The following PACRG variants were observed in gnomAD, a reference collection of about 807,000 sequenced individuals.
PACRG encodes the protein parkin coregulated.
PACRG carries 29 observed loss-of-function variants against 29.7 expected under a neutral mutation model. The ratio of observed to expected loss-of-function variants is 0.98; its 90% CI spans 0.73 to 1.33. The LOEUF (loss-of-function observed/expected upper bound fraction) is 1.33. Ranked by LOEUF, PACRG falls within the 40% of genes most tolerant of loss-of-function variation. The pLI is 0.00. For synonymous variants in PACRG, 116 were observed against 118.7 expected, an observed-to-expected ratio of 0.98 and a Z score of 0.15; for missense variants, 279 against 316.2, an observed-to-expected ratio of 0.88 and a Z score of 0.89.
At chr6:163,265,614 T>C (rs1275076045) in intron 4 of PACRG, among the ~76,000 whole-genome samples, 4 of 152,210 alleles carry the variant, frequency 2.6e-5, no homozygotes, top group African/African-American at 4.8e-5. Flanking sequence ...TATTATTTGT[T>C]ATTACTAACC....
intron 2 of PACRG, 72 bp from the exon 3 acceptor site, chr6:163,062,078 C>T: frequency 6.6e-7 from 1 of 1,520,122 alleles, no homozygotes. Context: ...TGGGTGACAG[C>T]TGCATAGCTT....
intron 4 of PACRG, among the ~76,000 whole-genome samples, chr6:163,218,237 C>T (rs1408877963): frequency 2.6e-5 from 4 of 152,168 alleles, no homozygotes; most frequent in African/African-American, 4.8e-5. Context: ...TTTCCCTCCT[C>T]GTATGATGGA....
At chr6:162,791,164 T>G (rs1784902230) in intron 1 of PACRG, among the ~76,000 whole-genome samples, 1 of 152,202 alleles carries the variant, frequency 6.6e-6, no homozygotes, top group Non-Finnish European at 1.5e-5. Flanking sequence ...GTGTGACATA[T>G]AGAGAGAGAA....
intron 3 of PACRG, among the ~76,000 whole-genome samples, chr6:163,069,540 A>G (rs1176248252): frequency 6.6e-6 from 1 of 152,168 alleles, no homozygotes; most frequent in Admixed American, 6.5e-5. Context: ...GTCTTTTAAT[A>G]GCAGAATTGA....
intron 2 of PACRG, among the ~76,000 whole-genome samples, chr6:163,025,124 A>G (rs1807005367): frequency 6.6e-6 from 1 of 152,218 alleles, no homozygotes; most frequent in Non-Finnish European, 1.5e-5. Context: ...CCCATAGCCC[A>G]CATCATACTG....
chr6:162,885,797 T>A (rs1467201194), intron 2 of PACRG, among the ~76,000 whole-genome samples: 1 of 152,128 alleles, frequency 6.6e-6, no homozygotes, highest in Non-Finnish European at 1.5e-5. Flanking sequence ...TGTATATATA[T>A]AAAATAATTA....
intron 2 of PACRG, among the ~76,000 whole-genome samples, chr6:162,895,110 CA>C (rs368087605): frequency 0.15 from 22,791 of 149,086 alleles, 1,845 homozygotes; most frequent in Non-Finnish European, 0.19. Context: ...CCCCCGCCCC[CA>C]AAAAAAAATT....
intron 2 of PACRG, among the ~76,000 whole-genome samples, chr6:162,960,262 A>G (rs1196464497): frequency 6.6e-6 from 1 of 152,248 alleles, no homozygotes; most frequent in African/African-American, 2.4e-5. Context: ...CTGGGTATAT[A>G]CCGAAAGGAA....
At chr6:162,799,868 C>A (rs1263943565) in intron 1 of PACRG, among the ~76,000 whole-genome samples, 2 of 152,086 alleles carry the variant, frequency 1.3e-5, no homozygotes, top group Admixed American at 1.3e-4. Context: ...ATAACTCTTG[C>A]AAGACACAGA....
intron 2 of PACRG, among the ~76,000 whole-genome samples, chr6:162,989,298 T>C (rs1803199444): frequency 6.6e-6 from 1 of 152,156 alleles, no homozygotes; most frequent in South Asian, 2.1e-4. Flanking sequence ...AGTTTGATAT[T>C]GAATGTGTTT....
At chr6:162,801,037 C>T (rs1785813205) in intron 1 of PACRG, among the ~76,000 whole-genome samples, 1 of 152,206 alleles carries the variant, frequency 6.6e-6, no homozygotes, top group Non-Finnish European at 1.5e-5. Flanking sequence ...TTTCTGGAAA[C>T]AAGGCCGCTT....
intron 2 of PACRG, among the ~76,000 whole-genome samples, chr6:163,048,950 G>T (rs1214254640): frequency 6.6e-6 from 1 of 152,106 alleles, no homozygotes. Flanking sequence ...TGCTTGTAAA[G>T]AATGTGTTTT....
intron 2 of PACRG, among the ~76,000 whole-genome samples, chr6:162,990,242 G>T (rs1803323374): frequency 6.6e-6 from 1 of 151,158 alleles, no homozygotes; most frequent in Admixed American, 6.6e-5. Flanking sequence ...ATAGTCATTT[G>T]GGTATATACC....
chr6:163,019,322 G>C (rs532280821), intron 2 of PACRG, among the ~76,000 whole-genome samples: 1 of 152,298 alleles, frequency 6.6e-6, no homozygotes, highest in African/African-American at 2.4e-5. Flanking sequence ...CCTCTACAAA[G>C]TGGTTTTTAA....
chr6:163,146,230 T>A (rs1777798901), intron 4 of PACRG, among the ~76,000 whole-genome samples: 2 of 152,144 alleles, frequency 1.3e-5, no homozygotes, highest in Admixed American at 6.5e-5. Flanking sequence ...ATTTCTGGAA[T>A]CCCAAGACTT....
At chr6:162,866,450 C>T (rs939120452) in intron 2 of PACRG, among the ~76,000 whole-genome samples, 2 of 152,154 alleles carry the variant, frequency 1.3e-5, no homozygotes, top group African/African-American at 2.4e-5. Context: ...AGTCTGGCAA[C>T]ATTTATGTGC....
At chr6:163,310,296 G>A (rs1230984323) in intron 4 of PACRG, 1 of 152,214 alleles carries the variant, frequency 6.6e-6, no homozygotes, top group African/African-American at 2.4e-5. Context: ...AAAGCGCCAC[G>A]GGGGACACAC....
intron 2 of PACRG, among the ~76,000 whole-genome samples, chr6:162,865,686 G>A (rs1249970435): frequency 6.6e-6 from 1 of 152,018 alleles, no homozygotes; most frequent in Non-Finnish European, 1.5e-5. Flanking sequence ...TTTCACAAAA[G>A]GCTTATCTTC....
At chr6:163,144,177 C>T (rs945170656) in intron 4 of PACRG, among the ~76,000 whole-genome samples, 13 of 144,872 alleles carry the variant, frequency 9.0e-5, no homozygotes, top group South Asian at 4.5e-4. Flanking sequence ...TGCAGTGAAC[C>T]GAGATCGCAC....
Sources: gnomAD v4.1 joint callset for allele counts (sites outside exome capture counted in the v4.1 genomes callset) on GRCh38, gnomAD v4.1.1 for gene constraint, MANE v1.5 for transcripts, NCBI Gene and HGNC (gene_info 2026-07-23, HGNC 2026-07-21) for gene names.